The following XG variants were observed in gnomAD, a reference collection of about 807,000 sequenced individuals.
The protein encoded by XG is Xg glycoprotein (Xg blood group).
In XG, 24 loss-of-function variants were observed where a neutral mutation model predicts 25.7. That is an observed-to-expected ratio of 0.93 (90% CI 0.68 to 1.31). The LOEUF is 1.31. XG is among the 40% of genes most tolerant of loss of function. XG has a pLI of 0.00. For synonymous variants in XG, 77 were observed against 69.2 expected (o/e 1.11, Z -0.56); for missense variants, 181 against 187.6 (o/e 0.96, Z 0.21).
chrX:2,776,839 TCCGTCTC>T (rs1197448717), intron 3 of XG, among the ~76,000 whole-genome samples: 1 of 145,758 alleles, frequency 6.9e-6, no homozygotes, highest in African/African-American at 2.7e-5. Flanking sequence ...AGAGCGAGAC[TCCGTCTC>T]AACAACAACA....
Position 2,784,061 on chromosome X carries a change from GTCTT to G in XG, c.190+1939_190+1942del, listed in dbSNP as rs1378781034. 3.6e-5 allele frequency among the ~76,000 whole-genome samples: 4 copies of G among 111,551 alleles called. No individual in the cohort carries two copies. In the East Asian group the frequency reaches 8.5e-4, roughly 24 times the overall value. On this transcript the variant is annotated intron_variant, in intron 4 of 10. Transcript: ENST00000644266. ...TTAACTGCATTAGTTAAGCCAGCTA[GTCTT>G]TCTTTTTTCCCCCTCTTTCATGATG... is the stretch of plus-strand genomic sequence containing the variant.
chrX:2,761,389 G>A (rs1187816518), intron 1 of XG, among the ~76,000 whole-genome samples: 3 of 152,120 alleles, frequency 2.0e-5, no homozygotes, highest in Non-Finnish European at 4.4e-5. Flanking sequence ...CTCCAGGACT[G>A]TGGGAGAATA....
In XG at chrX:2,754,109, AT is replaced by A. The variant is rs1481645486; in HGVS notation, c.61+1781del. ...ATTTTCTTTTTTTTAATGTGTTTTAATTTTTTTGAGGGAGGGGCCCACTGTG... is the reference window on the plus strand; with the variant it reads ...ATTTTCTTTTTTTTAATGTGTTTTAATTTTTTGAGGGAGGGGCCCACTGTG... On this transcript the variant is annotated intron_variant, in intron 1 of 10. Coordinates refer to ENST00000644266, the MANE Select transcript of XG (RefSeq NM_001141919.2). Among the ~76,000 whole-genome samples the A allele has an allele frequency of 5.3e-5, 8 of 151,938 alleles. No homozygotes were observed. In the South Asian group the frequency reaches 6.2e-4, roughly 12 times the overall value.
rs867317689 is a variant in XG, at chrX:2,758,970, A to G, written c.61+6635A>G. Reference sequence around the variant, plus strand: ...TATCTATCTATTTATCTATCTTTCTACCTACTTCTCTATCCAACTCTCATC... The same window carrying G: ...TATCTATCTATTTATCTATCTTTCTGCCTACTTCTCTATCCAACTCTCATC... On this transcript the variant is annotated intron_variant, in intron 1 of 10. Transcript: ENST00000644266. Among the ~76,000 whole-genome samples, 3 of 130,058 alleles carry G rather than the reference A, an allele frequency of 2.3e-5. No individual in the cohort carries two copies. In the East Asian group the frequency reaches 6.3e-4, roughly 27 times the overall value. The allele number at this position is 130,058 out of a possible 152,430, so 85.3% of individuals were successfully genotyped here.
At chrX:2,759,135 T>A (rs1252458540) in intron 1 of XG, among the ~76,000 whole-genome samples, 1 of 152,176 alleles carries the variant, frequency 6.6e-6, no homozygotes. Context: ...GTTCCTCGAG[T>A]AACACTTGGC....
chrX:2,789,704 G>A lies in XG; in HGVS notation c.251G>A (p.Gly84Glu). ...CAGCCTGGCAATTCCGGCAACAGTG[G>A]AGGTAATGAGTATTTATTTATTTAT... Reference protein sequence around the residue: ...QPQPGNSGNSGGYFNDVDRDD... With the variant: ...QPQPGNSGNSEGYFNDVDRDD... Residue 84 changes from glycine (G) to glutamate (E), a missense_variant and splice_region_variant, in exon 5 of 11, where the codon GGA becomes GAA. Physicochemically the swap from Gly to Glu is moderately conservative, Grantham distance 98 (BLOSUM62 -2). Transcript: ENST00000644266. 2 of 1,050,453 alleles carry A rather than the reference G, an allele frequency of 1.9e-6. No homozygotes were observed. The highest frequency in any genetic ancestry group is 3.6e-5 in the East Asian group (1 of 27,856). The allele number at this position is 1,050,453 out of a possible 1,213,427, so 86.6% of individuals were successfully genotyped here.
intron 10 of XG, among the ~76,000 whole-genome samples, chrX:2,812,455 C>G (rs1398565792): frequency 9.0e-6 from 1 of 111,364 alleles, no homozygotes; most frequent in Non-Finnish European, 1.9e-5. Context: ...ACGTCAGAAT[C>G]TGTCTGGAGT....
At chrX:2,796,488 G>GTA (rs201833178) in intron 6 of XG, among the ~76,000 whole-genome samples, 114 of 102,496 alleles carry the variant, frequency 1.1e-3, no homozygotes, top group Admixed American at 1.0e-3. Context: ...GTGTGTGTGT[G>GTA]TATATATATA....
At chrX:2,792,112 A>G (rs1429799140) in intron 5 of XG, among the ~76,000 whole-genome samples, 1 of 110,618 alleles carries the variant, frequency 9.0e-6, no homozygotes, top group African/African-American at 3.3e-5. Flanking sequence ...GTGAAACCCC[A>G]TCTCCATTAA....
intron 1 of XG, among the ~76,000 whole-genome samples, chrX:2,764,113 G>A (rs1287945285): frequency 1.3e-5 from 2 of 152,298 alleles, no homozygotes; most frequent in South Asian, 2.1e-4. Flanking sequence ...GGCGATGAGA[G>A]TGACCTCGGG....
chrX:2,779,086 C>T (rs1228609975), intron 3 of XG, among the ~76,000 whole-genome samples: 1 of 151,970 alleles, frequency 6.6e-6, no homozygotes, highest in Non-Finnish European at 1.5e-5. Context: ...TAAAAATGAA[C>T]TACAGGTGGA....
At chrX:2,758,892 A>T (rs1363099638) in intron 1 of XG, among the ~76,000 whole-genome samples, 1 of 152,274 alleles carries the variant, frequency 6.6e-6, no homozygotes, top group African/African-American at 2.4e-5. Flanking sequence ...TGTCTCTATT[A>T]TATACACCTA....
At chrX:2,803,360 T>C (rs1403028162) in intron 7 of XG, among the ~76,000 whole-genome samples, 1 of 111,302 alleles carries the variant, frequency 9.0e-6, no homozygotes, top group Non-Finnish European at 1.9e-5. Flanking sequence ...CTCACCGTTG[T>C]AACTGCCCAA....
intron 2 of XG, among the ~76,000 whole-genome samples, chrX:2,773,805 G>A (rs2050904015): frequency 8.3e-6 from 1 of 120,072 alleles, no homozygotes; most frequent in Admixed American, 8.4e-5. Context: ...GAAGGAAGGA[G>A]AGAAGGAAGG....
intron 7 of XG, among the ~76,000 whole-genome samples, chrX:2,803,440 G>T (rs2086963218): frequency 8.9e-6 from 1 of 111,810 alleles, no homozygotes; most frequent in South Asian, 3.8e-4. Flanking sequence ...TGGAGAAAGA[G>T]TAATTCATGC....
chrX:2,760,495 G>A (rs2050539440), intron 1 of XG, among the ~76,000 whole-genome samples: 1 of 151,524 alleles, frequency 6.6e-6, no homozygotes. Flanking sequence ...CAGCACTTTG[G>A]GAGGCTGAGG....
chrX:2,775,996 A>G lies in XG; in HGVS notation c.127+1257A>G, dbSNP rs2050977962. ...AAGAAAAGAAAAGAAAAGAAAAAGA[A>G]ATAATTCCCGGGGCCGGGCGCAGTG... On this transcript the variant is annotated intron_variant, in intron 3 of 10. Coordinates refer to ENST00000644266, the MANE Select transcript of XG (RefSeq NM_001141919.2). Among the ~76,000 whole-genome samples, 13 of 150,288 alleles carry G rather than the reference A, an allele frequency of 8.7e-5. No homozygotes were observed. The South Asian group carries it at 2.7e-3, about 32-fold the overall frequency.
Position 2,770,450 on chromosome X carries a change from C to G in XG, c.62-100C>G. ...GGTTAGTTTTAGTGCTCTGGGCGAC[C>G]CTAGGCTTGCAGGAGGAGGGGAGCA... is the stretch of plus-strand genomic sequence containing the variant. On this transcript the variant is annotated intron_variant, in intron 1 of 10. Transcript: ENST00000644266. 23 of 1,437,648 alleles carry G rather than the reference C, an allele frequency of 1.6e-5. No homozygotes were observed. In the South Asian group the frequency reaches 2.6e-4, roughly 17 times the overall value. 89.1% of individuals were successfully genotyped at this position (1,437,648 alleles called of 1,614,324 possible).
chrX:2,756,610 G>C (rs1271198067), intron 1 of XG, among the ~76,000 whole-genome samples: 1 of 152,016 alleles, frequency 6.6e-6, no homozygotes, highest in Non-Finnish European at 1.5e-5. Flanking sequence ...AAAAGAAAAG[G>C]ATATATGTCC....
Sources: gnomAD v4.1 joint callset for allele counts (sites outside exome capture counted in the v4.1 genomes callset) on GRCh38, gnomAD v4.1.1 for gene constraint, MANE v1.5 for transcripts, NCBI Gene and HGNC (gene_info 2026-07-23, HGNC 2026-07-21) for gene names.